ZKSCAN1: variants seen among roughly 807,000 people sequenced by gnomAD.
ZKSCAN1 encodes zinc finger with KRAB and SCAN domains 1, also known as zinc finger protein with KRAB and SCAN domains 1.
In ZKSCAN1, 14 loss-of-function variants were observed where a neutral mutation model predicts 51.6. That is an observed-to-expected ratio of 0.27 (90% CI 0.18 to 0.42). The LOEUF (loss-of-function observed/expected upper bound fraction) is 0.42, where lower values mean the gene tolerates loss of function less well. Among genes scored for constraint, ZKSCAN1 ranks in the 10% least tolerant of loss-of-function variants. The probability of loss-of-function intolerance (pLI) is 1.00; values close to 1 mark genes in which losing one functional copy is unlikely to be tolerated. For synonymous variants in ZKSCAN1, 263 were observed against 261.5 expected (o/e 1.01, Z -0.06); for missense variants, 531 against 710.0 (o/e 0.75, Z 2.86).
chr7:100,023,462 G>T lies in ZKSCAN1; in HGVS notation c.-45G>T. On this transcript the variant is annotated 5_prime_UTR_variant, in exon 2 of 6. Coordinates refer to ENST00000324306, the MANE Select transcript of ZKSCAN1 (RefSeq NM_003439.4). ...TCATAAAACCTCCCAGGACATAAAG[G>T]TGAGCACAGACCCTGTTTGGATCAA... The T allele has an allele frequency of 1.9e-6, 3 of 1,558,774 alleles. No individual in the cohort carries two copies. The highest frequency in any genetic ancestry group is 2.6e-6 in the Non-Finnish European group (3 of 1,155,976).
chr7:100,030,820 C>T (rs1791075144), intron 5 of ZKSCAN1, among the ~76,000 whole-genome samples: 1 of 152,212 alleles, frequency 6.6e-6, no homozygotes. Context: ...CTTCTGTTGG[C>T]TTTCTGTCTT....
chr7:100,042,707 CAT>C (rs200222273), downstream of ZKSCAN1, among the ~76,000 whole-genome samples: 1,129 of 147,322 alleles, frequency 7.7e-3, 9 homozygotes, highest in Middle Eastern at 0.017. Flanking sequence ...TATATATACA[CAT>C]GTGTATGTGT....
At chr7:100,027,486 C>T (rs902111361) in intron 3 of ZKSCAN1, among the ~76,000 whole-genome samples, 2 of 151,930 alleles carry the variant, frequency 1.3e-5, no homozygotes, top group African/African-American at 4.8e-5. Flanking sequence ...CGTGGTGGCT[C>T]ACGCCTGTAA....
At position 100,023,464 on chromosome 7, in the gene ZKSCAN1, G is replaced by A. The variant is rs370057812; in HGVS notation, c.-43G>A. The A allele has an allele frequency of 9.0e-6, 14 of 1,560,388 alleles. No homozygotes were observed. Among genetic ancestry groups the A allele is most frequent in the Non-Finnish European group, 1.2e-5 (14 of 1,157,092 alleles). Reference sequence around the variant, plus strand: ...ATAAAACCTCCCAGGACATAAAGGTGAGCACAGACCCTGTTTGGATCAAGT... The same window carrying A: ...ATAAAACCTCCCAGGACATAAAGGTAAGCACAGACCCTGTTTGGATCAAGT... On this transcript the variant is annotated 5_prime_UTR_variant, in exon 2 of 6. Transcript: ENST00000324306.
intron 5 of ZKSCAN1, among the ~76,000 whole-genome samples, chr7:100,030,710 G>A (rs545313671): frequency 3.5e-4 from 4 of 11,312 alleles, no homozygotes; most frequent in Admixed American, 1.5e-3. Context: ...TGCCTCTGTC[G>A]GGGGAATATC....
intron 3 of ZKSCAN1, 25 bp downstream of exon 3, chr7:100,024,332 G>A: frequency 3.1e-6 from 5 of 1,612,290 alleles, no homozygotes; most frequent in Non-Finnish European, 4.2e-6. Context: ...TTCATTTAGG[G>A]GAAGGGAAAT....
chr7:100,021,982 ATCC>A (rs1790609987), intron 1 of ZKSCAN1, among the ~76,000 whole-genome samples: 1 of 151,938 alleles, frequency 6.6e-6, no homozygotes, highest in African/African-American at 2.4e-5. Flanking sequence ...GGCTTCAAGC[ATCC>A]TCCTGCCTCA....
At position 100,038,689 on chromosome 7, in the gene ZKSCAN1, C is replaced by T. The variant is rs892304911; in HGVS notation, c.*4492C>T. On this transcript the variant is annotated 3_prime_UTR_variant, in exon 6 of 6. Transcript: ENST00000324306. Reference sequence around the variant, plus strand: ...ATGCTTTCCCACTAACTCTTAAATCCTTATGCTTAGAAAATTGAGGATAAG... The same window carrying T: ...ATGCTTTCCCACTAACTCTTAAATCTTTATGCTTAGAAAATTGAGGATAAG... 1.1e-5 allele frequency: 11 copies of T among 985,276 alleles called. No homozygotes were observed. The Admixed American group carries it at 5.5e-4, about 50-fold the overall frequency. The allele number at this position is 985,276 out of a possible 1,614,324, so 61.0% of individuals were successfully genotyped here.
chr7:100,033,439 G>A lies in ZKSCAN1; in HGVS notation c.934G>A (p.Gly312Arg). ...GEKRDQEGKT[G>R]ERQQKNPEEK... ...GAAACGTGACCAGGAGGGCAAAACA[G>A]GAGAAAGACAGCAGAAAAACCCTGA... The change falls in exon 6 of 6, where the codon GGA becomes AGA. Residue 312 changes from glycine (G) to arginine (R), a missense_variant. Gly to Arg is a moderately radical substitution (Grantham distance 125). This residue lies in a region of ZKSCAN1 where 403 missense variants were observed against 490.5 expected (regional missense o/e 0.82). Coordinates refer to ENST00000324306, the MANE Select transcript of ZKSCAN1 (RefSeq NM_003439.4). This position sits in a 1 kb window ranked among gnomAD's most constrained non-coding sequence, Gnocchi z 4.1. The A allele has an allele frequency of 6.2e-7, 1 of 1,614,004 alleles. No individual in the cohort carries two copies. The highest frequency in any genetic ancestry group is 8.5e-7 in the Non-Finnish European group (1 of 1,180,000).
At chr7:100,031,034 G>C (rs1208914375) in intron 5 of ZKSCAN1, among the ~76,000 whole-genome samples, 1 of 152,152 alleles carries the variant, frequency 6.6e-6, no homozygotes, top group African/African-American at 2.4e-5. Flanking sequence ...GACACTGTTG[G>C]CAGACATTTC....
chr7:100,027,630 C>T (rs909475116), intron 3 of ZKSCAN1, among the ~76,000 whole-genome samples: 32 of 151,442 alleles, frequency 2.1e-4, no homozygotes, highest in Admixed American at 7.9e-4. Flanking sequence ...TGCCTGTAGT[C>T]CCAGCTACTC....
chr7:100,035,286 T>C lies in ZKSCAN1; in HGVS notation c.*1089T>C, dbSNP rs977251943. ...CCTCTAGGGTCTGATGCTGTTTTTG[T>C]TCCAAATATAAACGAAAGGCACTAG... On this transcript the variant is annotated 3_prime_UTR_variant, in exon 6 of 6. Coordinates refer to ENST00000324306, the MANE Select transcript of ZKSCAN1 (RefSeq NM_003439.4). 6.6e-6 allele frequency: 1 copy of C among 152,220 alleles called. No individual in the cohort carries two copies. The highest frequency in any genetic ancestry group is 1.5e-5 in the Non-Finnish European group (1 of 68,036). The allele number at this position is 152,220 out of a possible 1,614,324, so 9.4% of individuals were successfully genotyped here. A position where few individuals can be genotyped will look rare whatever the true frequency, so the allele number is the denominator to read the frequency against.
In ZKSCAN1 at chr7:100,037,787, G is replaced by A; in HGVS notation, c.*3590G>A. ...AATCGCAGCACTTTGGGAGGCCGAGGCAGGCGGATCACGAGGTCAGTAGTT... is the reference window on the plus strand; with the variant it reads ...AATCGCAGCACTTTGGGAGGCCGAGACAGGCGGATCACGAGGTCAGTAGTT... On this transcript the variant is annotated 3_prime_UTR_variant, in exon 6 of 6. Coordinates refer to ENST00000324306, the MANE Select transcript of ZKSCAN1 (RefSeq NM_003439.4). 1.1e-6 allele frequency: 1 copy of A among 924,192 alleles called. No homozygotes were observed. The highest frequency in any genetic ancestry group is 1.3e-6 in the Non-Finnish European group (1 of 774,424). 57.2% of individuals were successfully genotyped at this position (924,192 alleles called of 1,614,324 possible).
chr7:100,030,308 G>A lies in ZKSCAN1; in HGVS notation c.732G>A (p.Gln244=). The A allele has an allele frequency of 1.9e-6, 3 of 1,614,172 alleles. 1 individual carries two copies. Among genetic ancestry groups the A allele is most frequent in the Non-Finnish European group, 8.5e-7 (1 of 1,180,026 alleles). The part of the protein sequence containing the change: ...VSLILEEWGC[Q]NLARRNLSRD... The stretch of plus-strand genomic sequence containing the variant: ...TCATTCTGGAGGAATGGGGATGTCA[G>A]AATCTGGCTCGGAGGAATCTCAGTA... The change falls in exon 5 of 6, where the codon CAG becomes CAA. Residue 244 remains glutamine (Q), a synonymous_variant. Coordinates refer to ENST00000324306, the MANE Select transcript of ZKSCAN1 (RefSeq NM_003439.4).
chr7:100,019,241 C>CT (rs1790497467), intron 1 of ZKSCAN1: 1 of 152,212 alleles, frequency 6.6e-6, no homozygotes, highest in Non-Finnish European at 1.5e-5. Flanking sequence ...GAGTCTCTCT[C>CT]TGTCACCCAG....
In ZKSCAN1 at chr7:100,037,750, G is replaced by T; in HGVS notation, c.*3553G>T. 1.0e-6 allele frequency: 1 copy of T among 983,866 alleles called. No individual in the cohort carries two copies. Among genetic ancestry groups the T allele is most frequent in the Non-Finnish European group, 1.2e-6 (1 of 828,522 alleles). 60.9% of individuals were successfully genotyped at this position (983,866 alleles called of 1,614,324 possible). On this transcript the variant is annotated 3_prime_UTR_variant, in exon 6 of 6. Coordinates refer to ENST00000324306, the MANE Select transcript of ZKSCAN1 (RefSeq NM_003439.4). ...AGCTCAATCTTGGCCGGGCGCCGTGGCTCACGCCTGTAATCGCAGCACTTT... is the reference window on the plus strand; with the variant it reads ...AGCTCAATCTTGGCCGGGCGCCGTGTCTCACGCCTGTAATCGCAGCACTTT...
Position 100,033,465 on chromosome 7 carries a change from G to A in ZKSCAN1, c.960G>A (p.Glu320=), listed in dbSNP as rs1584347870. Reference sequence around the variant, plus strand: ...GAGAAAGACAGCAGAAAAACCCTGAGGAGAAAACCAGGAAAGAGAAAAGAG... The same window carrying A: ...GAGAAAGACAGCAGAAAAACCCTGAAGAGAAAACCAGGAAAGAGAAAAGAG... ...KTGERQQKNP[E]EKTRKEKRDS... Residue 320 remains glutamate (E), a synonymous_variant, in exon 6 of 6, where the codon GAG becomes GAA. Coordinates refer to ENST00000324306, the MANE Select transcript of ZKSCAN1 (RefSeq NM_003439.4). This position sits in a 1 kb window ranked among gnomAD's most constrained non-coding sequence, Gnocchi z 4.1. 2 of 1,613,876 alleles carry A rather than the reference G, an allele frequency of 1.2e-6. No individual in the cohort carries two copies. Among genetic ancestry groups the A allele is most frequent in the Non-Finnish European group, 1.7e-6 (2 of 1,179,962 alleles).
Position 100,040,390 on chromosome 7 carries a change from ACAGTAAT to A in ZKSCAN1, c.*6200_*6206del. On this transcript the variant is annotated 3_prime_UTR_variant, in exon 6 of 6. Transcript: ENST00000324306. ...AGAATCGTGACTTAATTCAAATTGC[ACAGTAAT>A]CAGTAAAGTGAATACGTTTTTAAAA... is the stretch of plus-strand genomic sequence containing the variant. 2 of 985,474 alleles carry A rather than the reference ACAGTAAT, an allele frequency of 2.0e-6. No homozygotes were observed. The highest frequency in any genetic ancestry group is 2.4e-6 in the Non-Finnish European group (2 of 829,942). The allele number at this position is 985,474 out of a possible 1,614,324, so 61.0% of individuals were successfully genotyped here. A position where few individuals can be genotyped will look rare whatever the true frequency, so the allele number is the denominator to read the frequency against.
chr7:100,033,863 G>A lies in ZKSCAN1; in HGVS notation c.1358G>A (p.Arg453His), dbSNP rs1029264531. ...AGTTCCAATCTCATCCTCCATCAGC[G>A]CATCCACTCTGGAGAGAAACCTTAT... ...SHSSNLILHQ[R>H]IHSGEKPYEC... Residue 453 changes from arginine (R) to histidine (H), a missense_variant, in exon 6 of 6, where the codon CGC (arginine) becomes CAC (histidine). Arg to His is a conservative substitution (Grantham distance 29). Transcript: ENST00000324306. The surrounding 1 kb of genome is among the most constrained non-coding windows in gnomAD (Gnocchi z 4.1). 1.2e-6 allele frequency: 2 copies of A among 1,614,162 alleles called. No homozygotes were observed. Among genetic ancestry groups the A allele is most frequent in the Non-Finnish European group, 1.7e-6 (2 of 1,180,042 alleles).
Sources: gnomAD v4.1 joint callset for allele counts (sites outside exome capture counted in the v4.1 genomes callset) on GRCh38, gnomAD v4.1.1 for gene constraint, gnomAD v4.1.1 regional missense constraint, Gnocchi (gnomAD v3.1) non-coding constraint, MANE v1.5 for transcripts, NCBI Gene and HGNC (gene_info 2026-07-23, HGNC 2026-07-21) for gene names.